PTPRG: variants seen among roughly 807,000 people sequenced by gnomAD.
The protein encoded by PTPRG is protein tyrosine phosphatase receptor type G, also known as receptor-type tyrosine-protein phosphatase gamma.
Under a neutral mutation model 165.3 loss-of-function variants are expected in PTPRG, and 102 were observed. That is an observed-to-expected ratio of 0.62 (90% confidence interval 0.53 to 0.73). The LOEUF is 0.73. PTPRG is among the 30% of genes least tolerant of loss of function. The pLI is 0.00. For synonymous variants in PTPRG, 675 were observed against 669.5 expected (o/e 1.01, Z -0.13); for missense variants, 1,866 against 1,861.4 (o/e 1.00, Z -0.05).
chr3:61,612,798 T>A (rs189733884), intron 1 of PTPRG, among the ~76,000 whole-genome samples: 1 of 152,088 alleles, frequency 6.6e-6, no homozygotes, highest in Non-Finnish European at 1.5e-5. Context: ...TTTGATGATA[T>A]CAGCTTCGGG....
chr3:61,938,978 A>C (rs77873411), intron 2 of PTPRG, among the ~76,000 whole-genome samples: 2,773 of 152,326 alleles, frequency 0.018, 48 homozygotes, highest in Middle Eastern at 0.044. Context: ...TTCAGACATC[A>C]ATCATATTTG....
chr3:62,263,372 C>T (rs1278918248), intron 17 of PTPRG: 1 of 155,622 alleles, frequency 6.4e-6, no homozygotes, highest in Non-Finnish European at 1.4e-5. Flanking sequence ...GTGCTTACTC[C>T]TATCTATCAC....
At chr3:62,181,336 C>G (rs2106775707) in intron 8 of PTPRG, among the ~76,000 whole-genome samples, 1 of 152,294 alleles carries the variant, frequency 6.6e-6, no homozygotes, top group Non-Finnish European at 1.5e-5. Context: ...TCTTGGGCCA[C>G]TCTCCTCCTC....
chr3:62,109,239 G>A (rs1702581744), intron 5 of PTPRG, among the ~76,000 whole-genome samples: 2 of 152,070 alleles, frequency 1.3e-5, no homozygotes, highest in Admixed American at 1.3e-4. Flanking sequence ...TAAGGAAGGG[G>A]TCCAGTTTCA....
chr3:61,611,845 C>CTT (rs1024897801), intron 1 of PTPRG, among the ~76,000 whole-genome samples: 5 of 152,182 alleles, frequency 3.3e-5, no homozygotes, highest in Non-Finnish European at 7.3e-5. Flanking sequence ...ATTCTTTTGA[C>CTT]TTTTAAAAAA....
intron 5 of PTPRG, among the ~76,000 whole-genome samples, chr3:62,094,132 C>T (rs1380838311): frequency 6.6e-6 from 1 of 152,136 alleles, no homozygotes; most frequent in Non-Finnish European, 1.5e-5. Context: ...ATGATTTGCC[C>T]AGGGCCACTC....
intron 5 of PTPRG, among the ~76,000 whole-genome samples, chr3:62,078,589 T>C (rs1020059288): frequency 6.6e-6 from 1 of 151,852 alleles, no homozygotes; most frequent in African/African-American, 2.4e-5. Flanking sequence ...AAAAAAGGTG[T>C]TTTTTTGAGC....
chr3:62,135,705 G>C (rs1339012923), intron 6 of PTPRG, among the ~76,000 whole-genome samples: 1 of 152,122 alleles, frequency 6.6e-6, no homozygotes, highest in African/African-American at 2.4e-5. Flanking sequence ...GGTCTGCCTG[G>C]GAAGGATCAA....
intron 1 of PTPRG, among the ~76,000 whole-genome samples, chr3:61,699,376 ATAT>A (rs1256027658): frequency 1.3e-5 from 2 of 152,106 alleles, no homozygotes; most frequent in Admixed American, 6.6e-5. Flanking sequence ...ATCTGTTGTG[ATAT>A]TATAAGTCAT....
At chr3:61,945,782 T>C (rs556118833) in intron 2 of PTPRG, among the ~76,000 whole-genome samples, 2 of 152,250 alleles carry the variant, frequency 1.3e-5, no homozygotes, top group Admixed American at 6.5e-5. Context: ...ATTGCATAAC[T>C]AGGCACTGTC....
At chr3:61,984,435 G>T (rs1367788500) in intron 2 of PTPRG, among the ~76,000 whole-genome samples, 1 of 152,078 alleles carries the variant, frequency 6.6e-6, no homozygotes, top group East Asian at 1.9e-4. Context: ...GAATATGACA[G>T]TCATCCCAGT....
intron 2 of PTPRG, among the ~76,000 whole-genome samples, chr3:61,923,865 T>C (rs2039143166): frequency 6.6e-6 from 1 of 151,896 alleles, no homozygotes; most frequent in Non-Finnish European, 1.5e-5. Flanking sequence ...TATGCTATTA[T>C]GCTATAAAAT....
intron 5 of PTPRG, among the ~76,000 whole-genome samples, chr3:62,115,725 C>G (rs1302924130): frequency 2.6e-5 from 4 of 150,976 alleles, no homozygotes; most frequent in Non-Finnish European, 5.9e-5. Flanking sequence ...TTTGCAGAGA[C>G]AAGGGTTTTC....
chr3:61,900,719 C>A (rs1431140330), intron 2 of PTPRG, among the ~76,000 whole-genome samples: 1 of 151,956 alleles, frequency 6.6e-6, no homozygotes, highest in African/African-American at 2.4e-5. Flanking sequence ...AAATATCAGA[C>A]AAGTTAGAGG....
rs373795625 is a variant in PTPRG, at chr3:62,156,029, G to A, written c.683-1038G>A. 1.4e-4 allele frequency among the ~76,000 whole-genome samples: 21 copies of A among 152,312 alleles called. No homozygotes were observed. The East Asian group carries it at 2.7e-3, about 20-fold the overall frequency. ...CTAGATGTCTGGAGATGTATGTAGA[G>A]ACTAGAACCTTCTCTGACTCACGAA... On this transcript the variant is annotated intron_variant, in intron 6 of 29. Transcript: ENST00000474889.
intron 5 of PTPRG, among the ~76,000 whole-genome samples, chr3:62,106,991 A>G (rs192436219): frequency 1.2e-4 from 19 of 152,326 alleles, no homozygotes; most frequent in Non-Finnish European, 1.6e-4. Flanking sequence ...CTTCACTGGC[A>G]ATATAAGTGT....
chr3:62,207,166 C>G (rs1201634456), intron 12 of PTPRG, among the ~76,000 whole-genome samples: 2 of 152,212 alleles, frequency 1.3e-5, no homozygotes, highest in Non-Finnish European at 2.9e-5. Context: ...CCACAGGTCT[C>G]TGCTGCAGCT....
chr3:61,651,533 A>G (rs1312210685), intron 1 of PTPRG, among the ~76,000 whole-genome samples: 1 of 152,172 alleles, frequency 6.6e-6, no homozygotes, highest in Admixed American at 6.5e-5. Context: ...TTAGAAGATG[A>G]TAATGGGTCC....
rs373506020 is a variant in PTPRG at position 62,091,889 on chromosome 3, C to CA, written c.615+13632dup. On this transcript the variant is annotated intron_variant, in intron 5 of 29. Coordinates refer to ENST00000474889, the MANE Select transcript of PTPRG (RefSeq NM_002841.4). The stretch of plus-strand genomic sequence containing the variant: ...ATGGTCTAAAGGGACGAGATACCCC[C>CA]ATACAGCATCCCACCTACCTTCTCT... 2.2e-3 allele frequency among the ~76,000 whole-genome samples: 330 copies of CA among 152,152 alleles called. 3 individuals are homozygous for CA. Among genetic ancestry groups the CA allele is most frequent in the African/African-American group, 7.3e-3 (305 of 41,508 alleles).
Sources: gnomAD v4.1 joint callset for allele counts (sites outside exome capture counted in the v4.1 genomes callset) on GRCh38, gnomAD v4.1.1 for gene constraint, MANE v1.5 for transcripts, NCBI Gene and HGNC (gene_info 2026-07-23, HGNC 2026-07-21) for gene names.